ACTN2: variants seen among roughly 807,000 people sequenced by gnomAD.
ACTN2 encodes the protein alpha-actinin-2.
ACTN2 carries 39 observed loss-of-function variants against 113.8 expected under a neutral mutation model. The observed-to-expected ratio is 0.34, with a 90% CI of 0.27 to 0.45. The LOEUF is 0.45. ACTN2 is among the 20% of genes least tolerant of loss of function. ACTN2 has a pLI of 1.00. For synonymous variants in ACTN2, 429 were observed against 444.1 expected (o/e 0.97, Z 0.43); for missense variants, 992 against 1,177.9 (o/e 0.84, Z 2.31).
chr1:236,743,742 A>G (rs993716138), intron 11 of ACTN2, among the ~76,000 whole-genome samples: 4 of 152,184 alleles, frequency 2.6e-5, no homozygotes, highest in African/African-American at 9.7e-5. Context: ...ATAGACAGGT[A>G]GTTACAAGCA....
intron 8 of ACTN2, 118 bp from the exon 9 acceptor site, chr1:236,737,004 T>C (rs1658897682): frequency 5.1e-6 from 4 of 787,908 alleles, no homozygotes; most frequent in Non-Finnish European, 6.5e-6. Flanking sequence ...TAAGCTAGAC[T>C]CTGCACCGTC....
intron 1 of ACTN2, among the ~76,000 whole-genome samples, chr1:236,715,371 A>G (rs563192162): frequency 1.2e-4 from 18 of 144,688 alleles, no homozygotes; most frequent in Admixed American, 9.6e-4. Flanking sequence ...TTCAAAAAAT[A>G]AATACATAAA....
chr1:236,742,193 T>C (rs905817703), intron 10 of ACTN2, among the ~76,000 whole-genome samples: 2 of 152,224 alleles, frequency 1.3e-5, no homozygotes, highest in African/African-American at 4.8e-5. Context: ...GCTTTTTTTT[T>C]CCCATACGGC....
In ACTN2 at chr1:236,736,510, C is replaced by T. The variant is rs1004713096; in HGVS notation, c.784-612C>T. 5.0e-5 allele frequency: 63 copies of T among 1,260,722 alleles called. No individual in the cohort carries two copies. The East Asian group carries it at 1.0e-3, about 21-fold the overall frequency. The allele number at this position is 1,260,722 out of a possible 1,614,324, so 78.1% of individuals were successfully genotyped here. A position where few individuals can be genotyped will look rare whatever the true frequency, so the allele number is the denominator to read the frequency against. On this transcript the variant is annotated intron_variant, in intron 8 of 20. Transcript: ENST00000366578. ...CACTCCTGCCCCAAGTTCCTTTCCA[C>T]GAAAGATGACAGAGAATTGTGTATT...
At chr1:236,701,670 C>G (rs1230711738) in intron 1 of ACTN2, among the ~76,000 whole-genome samples, 2 of 152,194 alleles carry the variant, frequency 1.3e-5, no homozygotes, top group African/African-American at 2.4e-5. Context: ...ACTTATTTTA[C>G]ACATCTGCAA....
At chr1:236,722,744 T>C (rs1625583) in intron 4 of ACTN2, among the ~76,000 whole-genome samples, 150,982 of 152,290 alleles carry the variant, frequency 0.99, 74,853 homozygotes, top group Middle Eastern at 1. Context: ...TTCAGTGCTT[T>C]GTGATGCAAT....
intron 1 of ACTN2, among the ~76,000 whole-genome samples, chr1:236,689,433 T>C (rs1666000287): frequency 2.0e-5 from 3 of 151,000 alleles, no homozygotes; most frequent in African/African-American, 7.3e-5. Flanking sequence ...TACAGTGGCA[T>C]GATAATAGCT....
In ACTN2 at chr1:236,754,994, C is replaced by G. The variant is rs750485695; in HGVS notation, c.1975-25C>G. 1.2e-6 allele frequency: 2 copies of G among 1,614,154 alleles called. No homozygotes were observed. The highest frequency in any genetic ancestry group is 1.1e-5 in the South Asian group (1 of 91,076). ...AGGGCACTTCACTCTGCTTCTCTCTCTGCTTGCTCACTCGCCCCCCTCAGG... is the reference window on the plus strand; with the variant it reads ...AGGGCACTTCACTCTGCTTCTCTCTGTGCTTGCTCACTCGCCCCCCTCAGG... On this transcript the variant is annotated intron_variant, in intron 16 of 20. Coordinates refer to ENST00000366578, the MANE Select transcript of ACTN2 (RefSeq NM_001103.4). The surrounding 1 kb of genome is among the most constrained non-coding windows in gnomAD (Gnocchi z 4.9).
chr1:236,751,668 C>G lies in ACTN2; in HGVS notation c.1839+16C>G. The G allele has an allele frequency of 6.2e-7, 1 of 1,613,786 alleles. No homozygotes were observed. Among genetic ancestry groups the G allele is most frequent in the Admixed American group, 1.7e-5 (1 of 60,010 alleles). On this transcript the variant is annotated intron_variant, in intron 15 of 20. Coordinates refer to ENST00000366578, the MANE Select transcript of ACTN2 (RefSeq NM_001103.4). ...GTGGGACAAGGTGGGTGGCTGAGGG[C>G]CTGGTGTGGGACCAGGGGGCATTCT...
chr1:236,738,028 A>G (rs1658943445), intron 9 of ACTN2, among the ~76,000 whole-genome samples: 1 of 152,140 alleles, frequency 6.6e-6, no homozygotes, highest in Non-Finnish European at 1.5e-5. Context: ...TTTGTTTTCT[A>G]TGACAGAGTC....
chr1:236,689,304 T>G lies in ACTN2; in HGVS notation c.126+2505T>G, dbSNP rs1321323250. 2.3e-3 allele frequency among the ~76,000 whole-genome samples: 14 copies of G among 6,180 alleles called. No homozygotes were observed. The South Asian group carries it at 0.058, about 26-fold the overall frequency. The allele number at this position is 6,180 out of a possible 152,430, so 4.1% of individuals were successfully genotyped here. On this transcript the variant is annotated intron_variant, in intron 1 of 20. Coordinates refer to ENST00000366578, the MANE Select transcript of ACTN2 (RefSeq NM_001103.4). ...TGCCTGCAGTATTACAGATGTGATA[T>G]ATATATATATATATATATATATATA...
At chr1:236,688,850 A>G (rs74727372) in intron 1 of ACTN2, among the ~76,000 whole-genome samples, 7,736 of 152,244 alleles carry the variant, frequency 0.051, 276 homozygotes, top group Admixed American at 0.11. Context: ...AGGGTAAAAT[A>G]CCATTGTTTC....
At chr1:236,710,205 T>G (rs1270662090) in intron 1 of ACTN2, among the ~76,000 whole-genome samples, 1 of 152,222 alleles carries the variant, frequency 6.6e-6, no homozygotes, top group Non-Finnish European at 1.5e-5. Flanking sequence ...ATAATCACAT[T>G]TTTCACTCAT....
In ACTN2 at chr1:236,736,385, G is replaced by A. The variant is rs891538731; in HGVS notation, c.783+665G>A. Reference sequence around the variant, plus strand: ...GGAAAGGATGCTAACAGGCTGATGAGGACTTTAAAGGAAAGGCCTGGGGAC... The same window carrying A: ...GGAAAGGATGCTAACAGGCTGATGAAGACTTTAAAGGAAAGGCCTGGGGAC... On this transcript the variant is annotated intron_variant, in intron 8 of 20. Transcript: ENST00000366578. Among the ~76,000 whole-genome samples, 10 of 152,224 alleles carry A rather than the reference G, an allele frequency of 6.6e-5. No homozygotes were observed. The East Asian group carries it at 1.7e-3, about 26-fold the overall frequency.
chr1:236,704,439 G>A (rs759292378), intron 1 of ACTN2, among the ~76,000 whole-genome samples: 1 of 152,052 alleles, frequency 6.6e-6, no homozygotes, highest in African/African-American at 2.4e-5. Flanking sequence ...TGATAGCACC[G>A]GATCCCACAG....
chr1:236,706,962 T>G (rs1657842137), intron 1 of ACTN2, among the ~76,000 whole-genome samples: 1 of 152,192 alleles, frequency 6.6e-6, no homozygotes, highest in Non-Finnish European at 1.5e-5. Flanking sequence ...CATGCAGACA[T>G]GTAACAGCCT....
chr1:236,749,354 T>A (rs537928600), intron 14 of ACTN2, 90 bp downstream of exon 14: 1 of 1,552,884 alleles, frequency 6.4e-7, no homozygotes, highest in Non-Finnish European at 8.8e-7. Flanking sequence ...TCTTGTTTTC[T>A]TGCTTTAAAA....
chr1:236,725,908 C>T (rs1658536455), intron 4 of ACTN2, 25 bp from the exon 5 acceptor site: 2 of 1,611,296 alleles, frequency 1.2e-6, no homozygotes, highest in African/African-American at 2.7e-5. Context: ...TCCCTGGGGC[C>T]ACTTTTTCTT....
intron 1 of ACTN2, among the ~76,000 whole-genome samples, chr1:236,695,569 C>CCG (rs1553296767): frequency 8.9e-6 from 1 of 111,736 alleles, no homozygotes; most frequent in African/African-American, 3.5e-5. Context: ...GAGTTCCCCC[C>CCG]CCCTGCCCAG....
Sources: gnomAD v4.1 joint callset for allele counts (sites outside exome capture counted in the v4.1 genomes callset) on GRCh38, gnomAD v4.1.1 for gene constraint, Gnocchi (gnomAD v3.1) non-coding constraint, MANE v1.5 for transcripts, NCBI Gene and HGNC (gene_info 2026-07-23, HGNC 2026-07-21) for gene names.